Variants in ASTN1 observed in about 807,000 individuals in gnomAD.
The protein encoded by ASTN1 is astrotactin 1, also known as astrotactin-1.
A neutral mutation model predicts 140.7 loss-of-function variants in ASTN1; 41 were observed. That is an observed-to-expected ratio of 0.29 (90% CI 0.23 to 0.38). The LOEUF is 0.38. Ranked by LOEUF, ASTN1 falls within the 10% of genes least tolerant of loss-of-function variation. ASTN1 has a pLI of 1.00. For missense variants in ASTN1, 1,479 were observed against 1,678.8 expected (o/e 0.88, Z 2.08); for synonymous variants, 640 against 652.2 (o/e 0.98, Z 0.29).
intron 21 of ASTN1, among the ~76,000 whole-genome samples, chr1:176,872,591 G>A (rs1158148902): frequency 3.3e-5 from 5 of 152,134 alleles, no homozygotes; most frequent in South Asian, 2.1e-4. Flanking sequence ...CATCATGTCA[G>A]CCCCTTGCTC....
At chr1:176,906,632 TC>T (rs1422466041) in intron 16 of ASTN1, among the ~76,000 whole-genome samples, 1 of 151,956 alleles carries the variant, frequency 6.6e-6, no homozygotes, top group Non-Finnish European at 1.5e-5. Flanking sequence ...GGTGGGCAGA[TC>T]GTTTGAGGTC....
At chr1:177,069,136 G>T (rs937674553) in intron 1 of ASTN1, among the ~76,000 whole-genome samples, 1 of 152,072 alleles carries the variant, frequency 6.6e-6, no homozygotes, top group Non-Finnish European at 1.5e-5. Flanking sequence ...GTAAGGAGTG[G>T]CTGTATTGAA....
chr1:176,989,901 G>T (rs1674079173), intron 8 of ASTN1, among the ~76,000 whole-genome samples: 1 of 151,892 alleles, frequency 6.6e-6, no homozygotes. Context: ...CAGCCTGAAT[G>T]CTTCTTATAA....
At chr1:176,957,256 C>T (rs1314697177) in intron 11 of ASTN1, among the ~76,000 whole-genome samples, 1 of 152,044 alleles carries the variant, frequency 6.6e-6, no homozygotes. Flanking sequence ...TTTGAAGAAG[C>T]AGGTGCTCAT....
In ASTN1 at chr1:177,030,897, G is replaced by C. The variant is rs909459012; in HGVS notation, c.921C>G (p.Ala307=). 7.4e-6 allele frequency: 12 copies of C among 1,614,136 alleles called. No homozygotes were observed. Among genetic ancestry groups the C allele is most frequent in the Non-Finnish European group, 9.3e-6 (11 of 1,180,020 alleles). Residue 307 remains alanine, a synonymous_variant, in exon 4 of 23, where the codon GCC becomes GCG. Coordinates refer to ENST00000361833, the MANE Select transcript of ASTN1 (RefSeq NM_004319.3). ...GGTGGTTGGAGTCCACAGGGCTAGT[G>C]GCTATAATATTATCTTTATACTTGT... ...LMNKYKDNII[A]TSPVDSNHQQ...
At chr1:177,113,151 G>A (rs1005046213) in intron 1 of ASTN1, among the ~76,000 whole-genome samples, 8 of 152,052 alleles carry the variant, frequency 5.3e-5, no homozygotes, top group Non-Finnish European at 1.0e-4. Flanking sequence ...GAACTCACAT[G>A]GAGTTCAGGC....
chr1:177,096,423 G>A (rs1482563648), intron 1 of ASTN1, among the ~76,000 whole-genome samples: 1 of 152,168 alleles, frequency 6.6e-6, no homozygotes, highest in Non-Finnish European at 1.5e-5. Flanking sequence ...AATCATTAAT[G>A]TGATGGTATT....
intron 1 of ASTN1, among the ~76,000 whole-genome samples, chr1:177,129,604 A>T (rs1244912806): frequency 6.6e-6 from 1 of 152,200 alleles, no homozygotes; most frequent in Non-Finnish European, 1.5e-5. Context: ...TGCACTTAAC[A>T]TTCTTGAGAC....
chr1:177,089,485 C>A (rs942245667), intron 1 of ASTN1, among the ~76,000 whole-genome samples: 1 of 152,012 alleles, frequency 6.6e-6, no homozygotes, highest in Admixed American at 6.6e-5. Flanking sequence ...AAAATGTTTG[C>A]GACAAATAAG....
intron 14 of ASTN1, among the ~76,000 whole-genome samples, chr1:176,938,542 T>C (rs1260893131): frequency 6.6e-6 from 1 of 152,214 alleles, no homozygotes. Context: ...TGACAGTCAC[T>C]TTCATACCCA....
chr1:176,893,460 G>C (rs1485398712), intron 17 of ASTN1, among the ~76,000 whole-genome samples: 2 of 152,104 alleles, frequency 1.3e-5, no homozygotes, highest in Non-Finnish European at 2.9e-5. Flanking sequence ...AAACGTGTAG[G>C]CCACGAGAAC....
intron 16 of ASTN1, among the ~76,000 whole-genome samples, chr1:176,922,014 G>C (rs1378843718): frequency 1.3e-5 from 2 of 152,292 alleles, no homozygotes; most frequent in East Asian, 3.9e-4. Context: ...ATGCATTGCA[G>C]AAGATGGGGT....
chr1:176,946,086 GT>G lies in ASTN1; in HGVS notation c.2088del (p.Arg697AlafsTer24), dbSNP rs749129042. ...GTCTCCGTGATGAGTTGGCAAGAGC[GT>G]CCATCCACACCAAGCTTGTAGTCCT... ...CIEDYKLGVD[G>X]RSCQLITETC... On this transcript the variant is annotated frameshift_variant, in exon 13 of 23. Transcript: ENST00000361833. LOFTEE classifies it high-confidence loss of function. The G allele has an allele frequency of 6.2e-7, 1 of 1,613,220 alleles. No homozygotes were observed. The highest frequency in any genetic ancestry group is 8.5e-7 in the Non-Finnish European group (1 of 1,179,438).
intron 6 of ASTN1, among the ~76,000 whole-genome samples, chr1:177,024,304 G>C (rs1448650305): frequency 6.6e-6 from 1 of 152,124 alleles, no homozygotes; most frequent in Non-Finnish European, 1.5e-5. Flanking sequence ...CTAGCCAGTG[G>C]GCTGTGCATT....
chr1:176,881,290 G>A (rs1240101264), intron 20 of ASTN1, among the ~76,000 whole-genome samples: 1 of 152,198 alleles, frequency 6.6e-6, no homozygotes, highest in Non-Finnish European at 1.5e-5. Flanking sequence ...CATAATGGGA[G>A]ATCAGCAAAG....
chr1:177,159,864 G>A lies in ASTN1; in HGVS notation c.283+4530C>T, dbSNP rs576538810. 2.0e-3 allele frequency among the ~76,000 whole-genome samples: 308 copies of A among 152,328 alleles called. 1 individual carries two copies. The highest frequency in any genetic ancestry group is 7.0e-3 in the African/African-American group (292 of 41,568). On this transcript the variant is annotated intron_variant, in intron 1 of 22. Transcript: ENST00000361833. ...CCATACATGTCACCACAGGAACATG[G>A]AAACATGGCTACCTGAACCTGAAAA...
intron 1 of ASTN1, among the ~76,000 whole-genome samples, chr1:177,142,213 G>T (rs887042464): frequency 3.3e-5 from 5 of 151,238 alleles, no homozygotes; most frequent in Non-Finnish European, 7.4e-5. Context: ...CACATTGTCA[G>T]CAAATTTACA....
chr1:176,893,924 C>G (rs1669378007), intron 17 of ASTN1, among the ~76,000 whole-genome samples: 1 of 152,138 alleles, frequency 6.6e-6, no homozygotes, highest in Non-Finnish European at 1.5e-5. Context: ...CATCCATTTT[C>G]TCCTGGCATC....
intron 1 of ASTN1, among the ~76,000 whole-genome samples, chr1:177,162,509 C>T (rs1175188537): frequency 6.6e-6 from 1 of 152,210 alleles, no homozygotes; most frequent in African/African-American, 2.4e-5. Flanking sequence ...TGCAGAAAAC[C>T]CGTTCTTATA....
Sources: gnomAD v4.1 joint callset for allele counts (sites outside exome capture counted in the v4.1 genomes callset) on GRCh38, gnomAD v4.1.1 for gene constraint, MANE v1.5 for transcripts, NCBI Gene and HGNC (gene_info 2026-07-23, HGNC 2026-07-21) for gene names.